Variants in CCDC62 observed in about 807,000 individuals in gnomAD.
The protein encoded by CCDC62 is coiled-coil domain containing 62.
In CCDC62, 72 loss-of-function variants were observed where a neutral mutation model predicts 80.8. The observed-to-expected ratio is 0.89, with a 90% CI of 0.74 to 1.08. CCDC62 has a LOEUF of 1.08. Ranked by LOEUF, CCDC62 falls within the 50% of genes least tolerant of loss-of-function variation. The pLI, the probability that CCDC62 is intolerant of heterozygous loss-of-function variation, is 0.00. For missense variants in CCDC62, 704 were observed against 809.4 expected (o/e 0.87, Z 1.58); for synonymous variants, 286 against 296.5 (o/e 0.96, Z 0.36).
intron 4 of CCDC62, among the ~76,000 whole-genome samples, chr12:122,787,881 G>A (rs1307922782): frequency 6.6e-6 from 1 of 152,192 alleles, no homozygotes; most frequent in African/African-American, 2.4e-5. Flanking sequence ...GTTTAAGGCT[G>A]AAAGGGATTG....
chr12:122,821,227 G>T (rs1022735141), intron 11 of CCDC62, among the ~76,000 whole-genome samples: 1 of 152,148 alleles, frequency 6.6e-6, no homozygotes, highest in Non-Finnish European at 1.5e-5. Context: ...TCACTGGATC[G>T]GTGCCTGTGT....
In CCDC62 at chr12:122,795,933, C is replaced by T. The variant is rs972849738; in HGVS notation, c.773-1374C>T. On this transcript the variant is annotated intron_variant, in intron 6 of 12. Transcript: ENST00000253079. Reference sequence around the variant, plus strand: ...TCTAAGTCCCTTCCCATTGTTTTAGCTTAGGCTGCTTGTTCAGGCAGATAG... The same window carrying T: ...TCTAAGTCCCTTCCCATTGTTTTAGTTTAGGCTGCTTGTTCAGGCAGATAG... Among the ~76,000 whole-genome samples, 51 of 152,126 alleles carry T rather than the reference C, an allele frequency of 3.4e-4. 1 individual carries two copies. Among genetic ancestry groups the T allele is most frequent in the African/African-American group, 1.2e-3 (48 of 41,410 alleles).
intron 3 of CCDC62, among the ~76,000 whole-genome samples, chr12:122,781,685 CAAA>C (rs200444250): frequency 7.3e-6 from 1 of 136,798 alleles, no homozygotes; most frequent in Non-Finnish European, 1.6e-5. Context: ...AACTCTGTCT[CAAA>C]AAAAAAAAGA....
At chr12:122,811,740 T>C (rs2031897496) in intron 10 of CCDC62, among the ~76,000 whole-genome samples, 1 of 145,004 alleles carries the variant, frequency 6.9e-6, no homozygotes, top group African/African-American at 2.6e-5. Context: ...GAGAATTGCT[T>C]GAACCCGGGA....
chr12:122,799,885 G>A (rs1041631337), intron 8 of CCDC62, among the ~76,000 whole-genome samples: 1 of 152,314 alleles, frequency 6.6e-6, no homozygotes, highest in East Asian at 1.9e-4. Context: ...GGCCCTCTGC[G>A]AGGGGTTGTG....
intron 11 of CCDC62, among the ~76,000 whole-genome samples, chr12:122,817,858 G>A (rs540592750): frequency 8.5e-5 from 13 of 152,054 alleles, no homozygotes; most frequent in African/African-American, 1.7e-4. Context: ...CAGAGTGCAC[G>A]TCAGGTAGCC....
intron 10 of CCDC62, among the ~76,000 whole-genome samples, chr12:122,810,816 T>C (rs1234439715): frequency 6.6e-6 from 1 of 152,172 alleles, no homozygotes; most frequent in Non-Finnish European, 1.5e-5. Context: ...GTGGCACATA[T>C]ACACCATGGA....
chr12:122,775,077 G>C (rs543716161), intron 1 of CCDC62, among the ~76,000 whole-genome samples: 14 of 120,486 alleles, frequency 1.2e-4, no homozygotes, highest in Non-Finnish European at 2.3e-4. Flanking sequence ...CTGGGCGACA[G>C]AGCGAGACTC....
Position 122,781,210 on chromosome 12 carries a change from G to A in CCDC62, c.276G>A (p.Lys92=). The A allele has an allele frequency of 1.2e-6, 2 of 1,613,996 alleles. No individual in the cohort carries two copies. Among genetic ancestry groups the A allele is most frequent in the Non-Finnish European group, 1.7e-6 (2 of 1,179,926 alleles). ...AAATAATCAGGTCACTCACGAAGAA[G>A]GTAAAAGCTCTTGAATCCAATCAAA... ...RTEIIRSLTK[K]VKALESNQME... The change falls in exon 3 of 13, where the codon AAG becomes AAA. Residue 92 remains lysine, a synonymous_variant. Transcript: ENST00000253079.
intron 11 of CCDC62, among the ~76,000 whole-genome samples, chr12:122,817,156 A>G (rs983595557): frequency 6.6e-5 from 10 of 150,768 alleles, no homozygotes; most frequent in Middle Eastern, 3.2e-3. Context: ...GGTTCACACT[A>G]TTCTCCTGCC....
chr12:122,810,716 C>T (rs893474739), intron 10 of CCDC62, among the ~76,000 whole-genome samples: 21 of 152,128 alleles, frequency 1.4e-4, no homozygotes, highest in Admixed American at 3.9e-4. Context: ...AAGACACGTG[C>T]ACACGTATGT....
At chr12:122,823,721 G>T (rs1232045221) in intron 12 of CCDC62, among the ~76,000 whole-genome samples, 1 of 139,674 alleles carries the variant, frequency 7.2e-6, no homozygotes, top group Non-Finnish European at 1.5e-5. Context: ...AAAAAAAAAA[G>T]GCCGGGCGTG....
At position 122,781,166 on chromosome 12, in the gene CCDC62, G is replaced by A; in HGVS notation, c.232G>A (p.Glu78Lys). ...LEERCSKLEG[E>K]LHKRTEIIRS... ...AATTATTGATGAACTTCCCTCAGGT[G>A]AACTACATAAAAGAACTGAAATAAT... The change falls in exon 3 of 13, where the codon GAA becomes AAA. Residue 78 changes from glutamate to lysine, a missense_variant and splice_region_variant. Transcript: ENST00000253079. 1 of 1,609,910 alleles carries A rather than the reference G, an allele frequency of 6.2e-7. No homozygotes were observed. Among genetic ancestry groups the A allele is most frequent in the Non-Finnish European group, 8.5e-7 (1 of 1,178,708 alleles).
At chr12:122,801,048 G>A in intron 8 of CCDC62, 76 bp from the exon 9 acceptor site, 1 of 1,462,912 alleles carries the variant, frequency 6.8e-7, no homozygotes, top group Non-Finnish European at 9.2e-7. Flanking sequence ...GCTCTACTGA[G>A]TTTTGGGTGA....
chr12:122,794,038 G>A (rs1217947734), intron 6 of CCDC62, among the ~76,000 whole-genome samples: 1 of 152,190 alleles, frequency 6.6e-6, no homozygotes, highest in Non-Finnish European at 1.5e-5. Flanking sequence ...CAAATGCTAT[G>A]CATAAAATGC....
At position 122,812,965 on chromosome 12, in the gene CCDC62, A is replaced by T. The variant is rs140800338; in HGVS notation, c.1852-305A>T. Among the ~76,000 whole-genome samples the T allele has an allele frequency of 4.7e-3, 710 of 152,134 alleles. 8 individuals carry two copies. The highest frequency in any genetic ancestry group is 0.016 in the African/African-American group (677 of 41,500). On this transcript the variant is annotated intron_variant, in intron 10 of 12. Coordinates refer to ENST00000253079, the MANE Select transcript of CCDC62 (RefSeq NM_201435.5). ...ATAACCCCAGCACTTTGGGAGGCCG[A>T]GGCAGGAGGGTAACTTGAGGCCAGG...
intron 10 of CCDC62, among the ~76,000 whole-genome samples, chr12:122,812,777 G>GAGAGAGAGAAAGAAAGAAAGAA (rs750420995): frequency 3.5e-5 from 2 of 57,760 alleles, no homozygotes; most frequent in African/African-American, 1.6e-4. Context: ...GAGAGAGAGA[G>GAGAGAGAGAAAGAAAGAAAGAA]AGAAAGAAAG....
intron 1 of CCDC62, among the ~76,000 whole-genome samples, chr12:122,775,806 T>G (rs1593772917): frequency 6.6e-6 from 1 of 152,190 alleles, no homozygotes; most frequent in Non-Finnish European, 1.5e-5. Context: ...AGAGACAGGG[T>G]TTCGCCATGT....
intron 10 of CCDC62, 140 bp from the exon 11 acceptor site, chr12:122,813,130 G>T: frequency 1.2e-6 from 1 of 815,246 alleles, no homozygotes; most frequent in Non-Finnish European, 1.9e-6. Context: ...GGAGCTTGAG[G>T]CAATCAGCTG....
Sources: gnomAD v4.1 joint callset for allele counts (sites outside exome capture counted in the v4.1 genomes callset) on GRCh38, gnomAD v4.1.1 for gene constraint, MANE v1.5 for transcripts, NCBI Gene and HGNC (gene_info 2026-07-23, HGNC 2026-07-21) for gene names.